MUC4: variants seen among roughly 807,000 people sequenced by gnomAD.
The protein encoded by MUC4 is mucin-4.
In MUC4, 202 loss-of-function variants were observed where a neutral mutation model predicts 257.9. The observed-to-expected ratio is 0.78, with a 90% CI of 0.70 to 0.88. The LOEUF is 0.88. Ranked by LOEUF, MUC4 falls within the 40% of genes least tolerant of loss-of-function variation. The pLI is 0.00. For missense variants in MUC4, 5,976 were observed against 6,513.7 expected, an observed-to-expected ratio of 0.92 and a Z score of 2.84; for synonymous variants, 2,351 against 2,757.1, an observed-to-expected ratio of 0.85 and a Z score of 4.62.
intron 18 of MUC4, among the ~76,000 whole-genome samples, chr3:195,754,849 G>C (rs1372942155): frequency 6.6e-6 from 1 of 150,948 alleles, no homozygotes; most frequent in Non-Finnish European, 1.5e-5. Flanking sequence ...TATCATGTAT[G>C]TATCCATGTA....
At chr3:195,801,885 G>A (rs982457422) in intron 1 of MUC4, among the ~76,000 whole-genome samples, 5 of 151,880 alleles carry the variant, frequency 3.3e-5, no homozygotes, top group Admixed American at 2.6e-4. Flanking sequence ...GAAGCTGACG[G>A]GTCCTGCTCC....
intron 7 of MUC4, among the ~76,000 whole-genome samples, chr3:195,767,769 C>CAT (rs1721554988): frequency 1.7e-5 from 2 of 117,314 alleles, no homozygotes; most frequent in Non-Finnish European, 3.4e-5. Context: ...ATCACCACCA[C>CAT]CACCACCATC....
In MUC4 at chr3:195,789,039, C is replaced by A; in HGVS notation, c.2541G>T (p.Leu847Phe). The A allele has an allele frequency of 6.2e-7, 1 of 1,613,770 alleles. No individual in the cohort carries two copies. Among genetic ancestry groups the A allele is most frequent in the Non-Finnish European group, 8.5e-7 (1 of 1,179,812 alleles). Reference sequence around the variant, plus strand: ...CACCATGACTGGCTGAGGCGGACAGCAATTCGGTTGTTGACTGGGTTGTGT... The same window carrying A: ...CACCATGACTGGCTGAGGCGGACAGAAATTCGGTTGTTGACTGGGTTGTGT... The part of the protein sequence containing the change: ...DSHTTQSTTE[L>F]LSASASHGAI... The change falls in exon 2 of 25, where the codon TTG becomes TTT. Residue 847 changes from leucine (L) to phenylalanine (F), a missense_variant. Physicochemically the swap from Leu to Phe is conservative, Grantham distance 22. This residue lies in a region of MUC4 where 1,583 missense variants were observed against 1,257.4 expected (regional missense o/e 1.26). Transcript: ENST00000463781.
intron 1 of MUC4, among the ~76,000 whole-genome samples, chr3:195,791,968 C>T (rs1445755619): frequency 2.0e-5 from 3 of 152,154 alleles, no homozygotes; most frequent in Admixed American, 1.3e-4. Flanking sequence ...CTTCCTTACA[C>T]CTTATACAAA....
Position 195,789,277 on chromosome 3 carries a change from G to A in MUC4, c.2303C>T (p.Ala768Val). Residue 768 changes from alanine to valine, a missense_variant, in exon 2 of 25, where the codon GCA becomes GTA. By Grantham distance (64) the Ala-to-Val change is moderately conservative. Transcript: ENST00000463781. ...AGCCTGGTGGGTATGGGTCATGGCT[G>A]CTGCTGTGTCAGGTGAGGTGCTGGC... Reference protein sequence around the residue: ...ASASTSPDTAAAMTHTHQAES... With the variant: ...ASASTSPDTAVAMTHTHQAES... The A allele has an allele frequency of 6.2e-7, 1 of 1,613,964 alleles. No individual in the cohort carries two copies. The highest frequency in any genetic ancestry group is 8.5e-7 in the Non-Finnish European group (1 of 1,179,870).
chr3:195,799,016 C>A (rs888689471), intron 1 of MUC4, among the ~76,000 whole-genome samples: 1 of 152,108 alleles, frequency 6.6e-6, no homozygotes. Context: ...AGCCACTCCC[C>A]CAACTGGAAG....
chr3:195,802,866 C>A (rs1735524751), intron 1 of MUC4, among the ~76,000 whole-genome samples: 1 of 152,168 alleles, frequency 6.6e-6, no homozygotes, highest in African/African-American at 2.4e-5. Flanking sequence ...TTTCCCCTTT[C>A]TCTTGGGTTT....
Position 195,781,117 on chromosome 3 carries a change from G to A in MUC4, c.10463C>T (p.Pro3488Leu). 1 of 1,479,734 alleles carries A rather than the reference G, an allele frequency of 6.8e-7. No homozygotes were observed. 91.7% of individuals were successfully genotyped at this position (1,479,734 alleles called of 1,614,324 possible). A position where few individuals can be genotyped will look rare whatever the true frequency, so the allele number is the denominator to read the frequency against. Residue 3488 changes from proline to leucine, a missense_variant, in exon 2 of 25, where the codon CCT (proline) becomes CTT (leucine). By Grantham distance (98) the Pro-to-Leu change is moderately conservative. Around this residue, in one of 44 missense-constraint regions of MUC4, gnomAD observed 297 missense variants for 240.9 expected, o/e 1.23. Transcript: ENST00000463781. The stretch of plus-strand genomic sequence containing the variant: ...TGAGGAAGGGATGGTGACATGAAGA[G>A]GGGTGGTGTGACCTGTAGATGCTGA... ...PSSASTGHTTPLHVTIPSSAS... is the reference protein window; with the variant it reads ...PSSASTGHTTLLHVTIPSSAS...
intron 1 of MUC4, 100 bp downstream of exon 1, chr3:195,811,630 TTCTCTC>T: frequency 1.3e-4 from 113 of 864,596 alleles, no homozygotes; most frequent in South Asian, 1.9e-4. Context: ...CTTTCCCCTA[TTCTCTC>T]TCTCTCTCTC....
At chr3:195,796,257 A>G (rs1734569512) in intron 1 of MUC4, among the ~76,000 whole-genome samples, 1 of 151,242 alleles carries the variant, frequency 6.6e-6, no homozygotes, top group South Asian at 2.1e-4. Flanking sequence ...TAATTTTTGT[A>G]TTTTTAGTAG....
chr3:195,758,091 C>G (rs1233509606), intron 17 of MUC4, among the ~76,000 whole-genome samples: 1 of 152,188 alleles, frequency 6.6e-6, no homozygotes. Flanking sequence ...AATATGCCCC[C>G]CGGGGCTTTG....
Position 195,788,668 on chromosome 3 carries a change from A to G in MUC4, c.2912T>C (p.Ile971Thr). ...GSGKTFTTAL[I>T]SNATPLPVTY... ...GACAGGAAGAGGGGTGGCGTTGCTG[A>G]TGAGGGCCGTGGTGAAGGTTTTACC... The change falls in exon 2 of 25, where the codon ATC becomes ACC. Residue 971 changes from isoleucine to threonine, a missense_variant. Around this residue, in one of 44 missense-constraint regions of MUC4, gnomAD observed 1,583 missense variants for 1,257.4 expected, o/e 1.26. Transcript: ENST00000463781. 1.3e-6 allele frequency: 2 copies of G among 1,578,902 alleles called. No individual in the cohort carries two copies. The highest frequency in any genetic ancestry group is 3.7e-5 in the African/African-American group (2 of 54,266).
intron 1 of MUC4, among the ~76,000 whole-genome samples, chr3:195,807,414 G>A (rs114665517): frequency 0.013 from 2,047 of 152,250 alleles, 14 homozygotes; most frequent in Non-Finnish European, 0.022. Flanking sequence ...GCTGCACTGA[G>A]CTGAGACCAC....
At chr3:195,760,546 G>GATGGATGGAGGGGGCTGGGAAGGCA (rs1560239110) in intron 16 of MUC4, among the ~76,000 whole-genome samples, 3 of 112,034 alleles carry the variant, frequency 2.7e-5, no homozygotes, top group Non-Finnish European at 4.3e-5. Flanking sequence ...CTGGGAAGGG[G>GATGGATGGAGGGGGCTGGGAAGGCA]TCCAGCGCTA....
At chr3:195,770,400 C>A (rs776779172) in intron 5 of MUC4, 29 bp from the exon 6 acceptor site, 2 of 1,612,252 alleles carry the variant, frequency 1.2e-6, no homozygotes, top group South Asian at 1.1e-5. Context: ...TGAAAACAAG[C>A]CAACGAGGGT....
intron 1 of MUC4, among the ~76,000 whole-genome samples, chr3:195,809,294 G>A (rs1265360669): frequency 4.6e-5 from 7 of 152,196 alleles, no homozygotes; most frequent in Admixed American, 2.6e-4. Flanking sequence ...CCTGGGTGAG[G>A]GTCCTGCCGG....
At chr3:195,758,063 G>A (rs1718019246) in intron 17 of MUC4, among the ~76,000 whole-genome samples, 1 of 152,242 alleles carries the variant, frequency 6.6e-6, no homozygotes, top group Admixed American at 6.5e-5. Flanking sequence ...ATCAGGCAGA[G>A]AGGCAAAGAG....
At chr3:195,749,673 G>A (rs1715967279) in intron 23 of MUC4, among the ~76,000 whole-genome samples, 1 of 152,168 alleles carries the variant, frequency 6.6e-6, no homozygotes, top group South Asian at 2.1e-4. Flanking sequence ...ATGTCAAATG[G>A]GAATGTGGAC....
At chr3:195,766,554 G>T in intron 8 of MUC4, 109 bp downstream of exon 8, 1 of 969,188 alleles carries the variant, frequency 1.0e-6, no homozygotes, top group Non-Finnish European at 1.6e-6. Context: ...AGGCCCTTCA[G>T]GATGGCCGTG....
Sources: allele counts gnomAD v4.1 joint callset (sites outside exome capture counted in the v4.1 genomes callset), GRCh38; gene constraint gnomAD v4.1.1; regional missense constraint gnomAD v4.1.1; transcripts MANE v1.5; gene names NCBI Gene and HGNC (gene_info 2026-07-23, HGNC 2026-07-21).